The following FAR2 variants were observed in gnomAD, a reference collection of about 807,000 sequenced individuals.
FAR2 encodes the protein epididymis secretory protein Li 81.
In FAR2, 19 loss-of-function variants were observed where a neutral mutation model predicts 56.0. The observed-to-expected ratio is 0.34, with a 90% CI of 0.24 to 0.50. The LOEUF is 0.50. Among genes scored for constraint, FAR2 ranks in the 20% least tolerant of loss-of-function variants. The probability of loss-of-function intolerance (pLI) is 0.98; values close to 1 mark genes in which losing one functional copy is unlikely to be tolerated. For missense variants in FAR2, 508 were observed against 642.2 expected (o/e 0.79, Z 2.26); for synonymous variants, 219 against 218.8 (o/e 1.00, Z -0.01).
At chr12:29,239,070 G>C (rs1991113) in intron 1 of FAR2, among the ~76,000 whole-genome samples, 85,261 of 151,944 alleles carry the variant, frequency 0.56, 24,470 homozygotes, top group African/African-American at 0.68. Context: ...CAGTTAAGGA[G>C]CTTAATTGCA....
At chr12:29,293,835 TATATA>T (rs1336326535) in intron 3 of FAR2, among the ~76,000 whole-genome samples, 8 of 152,214 alleles carry the variant, frequency 5.3e-5, no homozygotes, top group African/African-American at 9.6e-5. Flanking sequence ...TGTACATATA[TATATA>T]ATATATTAAA....
chr12:29,333,830 C>T lies in FAR2; in HGVS notation c.*36C>T. On this transcript the variant is annotated 3_prime_UTR_variant, in exon 12 of 12. Coordinates refer to ENST00000536681, the MANE Select transcript of FAR2 (RefSeq NM_001271783.2). The stretch of plus-strand genomic sequence containing the variant: ...CCATCGCTTTTTATCTGGAACCTCT[C>T]AGATACCTCTAAAACAGCAAACTGT... The T allele has an allele frequency of 6.3e-7, 1 of 1,593,750 alleles. No homozygotes were observed. The highest frequency in any genetic ancestry group is 1.3e-5 in the African/African-American group (1 of 74,356).
chr12:29,189,303 G>A (rs780745792), intron 1 of FAR2, among the ~76,000 whole-genome samples: 5 of 152,058 alleles, frequency 3.3e-5, no homozygotes, highest in Admixed American at 6.6e-5. Context: ...CAAATACTAC[G>A]TTATTTATTT....
At chr12:29,202,156 ATTATC>A (rs1051874936) in intron 1 of FAR2, among the ~76,000 whole-genome samples, 183 of 152,072 alleles carry the variant, frequency 1.2e-3, no homozygotes, top group African/African-American at 4.1e-3. Flanking sequence ...TTTTCTATTA[ATTATC>A]TTATGTTGTC....
intron 1 of FAR2, among the ~76,000 whole-genome samples, chr12:29,175,904 G>A (rs1949933709): frequency 2.6e-5 from 4 of 152,170 alleles, no homozygotes; most frequent in African/African-American, 7.2e-5. Flanking sequence ...ACTCGACCCA[G>A]GAAGTCCAGC....
chr12:29,259,091 G>C (rs1187330661), intron 1 of FAR2, among the ~76,000 whole-genome samples: 1 of 152,210 alleles, frequency 6.6e-6, no homozygotes, highest in Non-Finnish European at 1.5e-5. Flanking sequence ...ATTTGGACTT[G>C]TTAAAGAATG....
In FAR2 at chr12:29,173,578, G is replaced by A. The variant is rs538466111; in HGVS notation, c.-39+24171G>A. On this transcript the variant is annotated intron_variant, in intron 1 of 11. Transcript: ENST00000536681. ...GGTGACCATTTTTCTCCATCAGAGA[G>A]AGAATACTGGGGCCAGGCCATAGTG... is the stretch of plus-strand genomic sequence containing the variant. Among the ~76,000 whole-genome samples the A allele has an allele frequency of 5.9e-5, 9 of 152,264 alleles. No individual in the cohort carries two copies. In the South Asian group the frequency reaches 1.9e-3, roughly 32 times the overall value.
At chr12:29,287,948 C>G (rs774388119) in intron 2 of FAR2, among the ~76,000 whole-genome samples, 16 of 152,158 alleles carry the variant, frequency 1.1e-4, no homozygotes, top group Non-Finnish European at 1.8e-4. Flanking sequence ...TGATGTCTGA[C>G]TACAGAAGTC....
chr12:29,178,134 CAG>C (rs2136594526), intron 1 of FAR2, among the ~76,000 whole-genome samples: 1 of 151,380 alleles, frequency 6.6e-6, no homozygotes, highest in African/African-American at 2.4e-5. Context: ...TAATAGTCCT[CAG>C]AAATAGTGGC....
At chr12:29,217,227 G>T (rs936015726) in intron 1 of FAR2, among the ~76,000 whole-genome samples, 1 of 152,190 alleles carries the variant, frequency 6.6e-6, no homozygotes, top group African/African-American at 2.4e-5. Flanking sequence ...ATGGGTGAAT[G>T]CTAGAGGTCA....
chr12:29,330,056 C>CTTTT lies in FAR2; in HGVS notation c.1258-2529_1258-2526dup, dbSNP rs10693997. Among the ~76,000 whole-genome samples, 360 of 127,004 alleles carry CTTTT rather than the reference C, an allele frequency of 2.8e-3. 7 individuals carry two copies. Among genetic ancestry groups the CTTTT allele is most frequent in the African/African-American group, 3.4e-3 (111 of 33,024 alleles). The allele number at this position is 127,004 out of a possible 152,430, so 83.3% of individuals were successfully genotyped here. A position where few individuals can be genotyped will look rare whatever the true frequency, so the allele number is the denominator to read the frequency against. On this transcript the variant is annotated intron_variant, in intron 10 of 11. Coordinates refer to ENST00000536681, the MANE Select transcript of FAR2 (RefSeq NM_001271783.2). ...TTATCTAAAGCAAATACATTTATGA[C>CTTTT]TTTTTTTTTTTTTTTTTTGAGACCA...
chr12:29,304,183 A>G (rs980706212), intron 4 of FAR2, among the ~76,000 whole-genome samples: 6 of 151,768 alleles, frequency 4.0e-5, no homozygotes, highest in African/African-American at 1.2e-4. Context: ...TCTCCCTACA[A>G]CCTCGTCTTC....
chr12:29,302,690 G>A (rs1949196305), intron 4 of FAR2, among the ~76,000 whole-genome samples: 1 of 152,152 alleles, frequency 6.6e-6, no homozygotes, highest in African/African-American at 2.4e-5. Flanking sequence ...ATTTGGGGTT[G>A]TTTGCTCATT....
rs1316155977 is a variant in FAR2, at chr12:29,333,949, AT to A, written c.*158del. 1.6e-6 allele frequency: 1 copy of A among 624,944 alleles called. No homozygotes were observed. Among genetic ancestry groups the A allele is most frequent in the Admixed American group, 3.7e-5 (1 of 27,104 alleles). 38.7% of individuals were successfully genotyped at this position (624,944 alleles called of 1,614,324 possible). A position where few individuals can be genotyped will look rare whatever the true frequency, so the allele number is the denominator to read the frequency against. ...CCCTATTCCTTAACTATGTATTTTT[AT>A]TTCAGTGAGAGAAGGAAAGTTGTAA... is the stretch of plus-strand genomic sequence containing the variant. On this transcript the variant is annotated 3_prime_UTR_variant, in exon 12 of 12. Transcript: ENST00000536681.
At chr12:29,324,469 A>C (rs1949609634) in intron 10 of FAR2, among the ~76,000 whole-genome samples, 1 of 152,230 alleles carries the variant, frequency 6.6e-6, no homozygotes, top group Non-Finnish European at 1.5e-5. Flanking sequence ...AGTTGAAATG[A>C]AGGAAAAAAG....
intron 1 of FAR2, among the ~76,000 whole-genome samples, chr12:29,207,964 G>C (rs776337331): frequency 1.3e-5 from 2 of 152,208 alleles, no homozygotes; most frequent in Non-Finnish European, 2.9e-5. Flanking sequence ...CATTTTGGGA[G>C]GCCAGGACAG....
At chr12:29,325,457 G>C (rs561659389) in intron 10 of FAR2, among the ~76,000 whole-genome samples, 3 of 152,214 alleles carry the variant, frequency 2.0e-5, no homozygotes, top group African/African-American at 4.8e-5. Flanking sequence ...ATTATTTCCA[G>C]CACCACACCA....
chr12:29,278,554 T>C (rs925668826), intron 2 of FAR2, among the ~76,000 whole-genome samples: 6 of 151,834 alleles, frequency 4.0e-5, no homozygotes, highest in Non-Finnish European at 7.4e-5. Context: ...CACTACATTG[T>C]ACAGGCTGAT....
At chr12:29,233,946 A>G (rs1010074904) in intron 1 of FAR2, among the ~76,000 whole-genome samples, 1 of 152,152 alleles carries the variant, frequency 6.6e-6, no homozygotes, top group Non-Finnish European at 1.5e-5. Context: ...ATTATGTCCC[A>G]GTTGTTGAAA....
Sources: allele counts gnomAD v4.1 joint callset (sites outside exome capture counted in the v4.1 genomes callset), GRCh38; gene constraint gnomAD v4.1.1; transcripts MANE v1.5; gene names NCBI Gene and HGNC (gene_info 2026-07-23, HGNC 2026-07-21).